SYNE1: variants seen among roughly 807,000 people sequenced by gnomAD.
SYNE1 encodes the protein nesprin-1.
In SYNE1, 616 loss-of-function variants were observed where a neutral mutation model predicts 1,111.0. The ratio of observed to expected loss-of-function variants is 0.55; its 90% CI spans 0.52 to 0.59. SYNE1 has a LOEUF of 0.59. Among genes scored for constraint, SYNE1 ranks in the 20% least tolerant of loss-of-function variants. SYNE1 has a pLI of 0.00. For synonymous variants in SYNE1, 3,855 were observed against 3,825.8 expected (o/e 1.01, Z -0.28); for missense variants, 10,006 against 10,417.0 (o/e 0.96, Z 1.72).
chr6:152,419,783 G>A (rs751260718), intron 39 of SYNE1, 61 bp from the exon 40 acceptor site: 35 of 1,583,488 alleles, frequency 2.2e-5, no homozygotes, highest in Non-Finnish European at 2.9e-5. Flanking sequence ...GATTAATGAT[G>A]TATTTTGGGA....
intron 14 of SYNE1, among the ~76,000 whole-genome samples, chr6:152,478,318 G>T (rs957539555): frequency 2.0e-5 from 3 of 152,222 alleles, no homozygotes; most frequent in African/African-American, 7.2e-5. Flanking sequence ...ACAGTAGCTG[G>T]GAGGGGAAGT....
rs1233877816 is a variant in SYNE1 at position 152,353,243 on chromosome 6, T to C, written c.11253+20A>G. 5 of 1,614,078 alleles carry C rather than the reference T, an allele frequency of 3.1e-6. No individual in the cohort carries two copies. The highest frequency in any genetic ancestry group is 1.7e-5 in the Admixed American group (1 of 60,014). On this transcript the variant is annotated intron_variant, in intron 69 of 145. Transcript: ENST00000367255. ...GGTGAACGGAAAGGTTGGATACAAA[T>C]CTGAAGTATGCGTGCCTACCTCCAA...
chr6:152,504,127 G>C (rs2623961), intron 9 of SYNE1, among the ~76,000 whole-genome samples: 30,111 of 152,074 alleles, frequency 0.2, 3,174 homozygotes, highest in Middle Eastern at 0.32. Flanking sequence ...CCCACTCTAG[G>C]AATAATGTCA....
In SYNE1 at chr6:152,488,502, C is replaced by G; in HGVS notation, c.941G>C (p.Arg314Thr). The G allele has an allele frequency of 6.5e-7, 1 of 1,528,516 alleles. No individual in the cohort carries two copies. Among genetic ancestry groups the G allele is most frequent in the Non-Finnish European group, 9.0e-7 (1 of 1,105,696 alleles). The allele number at this position is 1,528,516 out of a possible 1,614,324, so 94.7% of individuals were successfully genotyped here. A position where few individuals can be genotyped will look rare whatever the true frequency, so the allele number is the denominator to read the frequency against. The change falls in exon 12 of 146, where the codon AGA (arginine) becomes ACA (threonine). Residue 314 changes from arginine to threonine, a missense_variant and splice_region_variant. By Grantham distance (71) the Arg-to-Thr change is moderately conservative. Around this residue, in one of 7 missense-constraint regions of SYNE1, gnomAD observed 1,971 missense variants for 2,084.1 expected, o/e 0.95. Transcript: ENST00000367255. ...TTCCTTAAAAATTACTCTGTCTTCT[C>G]TCTGGAAATGAGGAGACATTACAAT... Reference protein sequence around the residue: ...SFANSVQNFKREDRVIFKEMK... With the variant: ...SFANSVQNFKTEDRVIFKEMK...
intron 98 of SYNE1, among the ~76,000 whole-genome samples, chr6:152,273,137 A>G (rs750941680): frequency 1.4e-4 from 22 of 152,346 alleles, no homozygotes; most frequent in Non-Finnish European, 2.8e-4. Context: ...ATTTTTCTGT[A>G]TTTACACTTC....
chr6:152,606,736 C>T (rs1484735578), intron 3 of SYNE1, among the ~76,000 whole-genome samples: 1 of 152,122 alleles, frequency 6.6e-6, no homozygotes, highest in African/African-American at 2.4e-5. Context: ...CAAGCTCCGC[C>T]TCCCGGGTTC....
intron 107 of SYNE1, 77 bp from the exon 108 acceptor site, chr6:152,239,783 G>A: frequency 6.6e-7 from 1 of 1,519,194 alleles, no homozygotes. Context: ...TTAGGGCCGG[G>A]TGCGGTGGCT....
At chr6:152,512,252 AG>A (rs1296365992) in intron 6 of SYNE1, among the ~76,000 whole-genome samples, 1 of 152,216 alleles carries the variant, frequency 6.6e-6, no homozygotes, top group Non-Finnish European at 1.5e-5. Context: ...TCACTGGTGA[AG>A]TTCATTCATC....
chr6:152,484,859 T>C lies in SYNE1; in HGVS notation c.1161A>G (p.Gln387=), dbSNP rs2098931098. The change falls in exon 13 of 146, where the codon CAA becomes CAG. Residue 387 remains glutamine (Q), a synonymous_variant. Transcript: ENST00000367255. ...CCCTGGAGGTCACTCTATCCCAAGATTGTTTTACCAATGCTTGGTCAAGTG... is the reference window on the plus strand; with the variant it reads ...CCCTGGAGGTCACTCTATCCCAAGACTGTTTTACCAATGCTTGGTCAAGTG... The part of the protein sequence containing the change: ...KLSLDQALVK[Q]SWDRVTSRLF... 1 of 1,613,880 alleles carries C rather than the reference T, an allele frequency of 6.2e-7. No individual in the cohort carries two copies. Among genetic ancestry groups the C allele is most frequent in the Non-Finnish European group, 8.5e-7 (1 of 1,179,968 alleles).
intron 101 of SYNE1, 80 bp downstream of exon 101, chr6:152,261,952 T>C: frequency 8.4e-7 from 1 of 1,190,480 alleles, no homozygotes; most frequent in East Asian, 2.6e-5. Context: ...GAAAATTAAG[T>C]TGATTGCACA....
chr6:152,328,550 T>C (rs2096151022), intron 78 of SYNE1, among the ~76,000 whole-genome samples: 1 of 151,408 alleles, frequency 6.6e-6, no homozygotes, highest in East Asian at 2.0e-4. Context: ...GGATTACAGG[T>C]ATGCACCACC....
rs560858283 is a variant in SYNE1 at position 152,430,004 on chromosome 6, A to AT, written c.4788+107dup. On this transcript the variant is annotated intron_variant, in intron 36 of 145. Coordinates refer to ENST00000367255, the MANE Select transcript of SYNE1 (RefSeq NM_182961.4). ...ATATAATTACTCAACTAATATAAAC[A>AT]TTTTTCCAATTTCAATTCTCTTAAA... 150 of 771,676 alleles carry AT rather than the reference A, an allele frequency of 1.9e-4. No individual in the cohort carries two copies. The African/African-American group carries it at 2.3e-3, about 12-fold the overall frequency. The allele number at this position is 771,676 out of a possible 1,614,324, so 47.8% of individuals were successfully genotyped here. A position where few individuals can be genotyped will look rare whatever the true frequency, so the allele number is the denominator to read the frequency against.
chr6:152,631,419 G>A (rs1333022301), intron 2 of SYNE1, among the ~76,000 whole-genome samples: 5 of 152,162 alleles, frequency 3.3e-5, no homozygotes, highest in African/African-American at 9.7e-5. Flanking sequence ...ATGGCGCAGG[G>A]CCCTGAGTGC....
At chr6:152,601,165 T>C (rs968312756) in intron 3 of SYNE1, among the ~76,000 whole-genome samples, 7 of 152,160 alleles carry the variant, frequency 4.6e-5, no homozygotes, top group African/African-American at 1.7e-4. Context: ...GGAGCAGCCA[T>C]TCAAATCAAA....
In SYNE1 at chr6:152,352,322, C is replaced by T. The variant is rs780889581; in HGVS notation, c.11285G>A (p.Ser3762Asn). 2.5e-6 allele frequency: 4 copies of T among 1,614,052 alleles called. No homozygotes were observed. Among genetic ancestry groups the T allele is most frequent in the Non-Finnish European group, 3.4e-6 (4 of 1,180,040 alleles). Reference protein sequence around the residue: ...VLLKDMEKGHSLLKSAREKGE... With the variant: ...VLLKDMEKGHNLLKSAREKGE... ...TTTCTCCCGGGCTGATTTCAGCAAA[C>T]TGTGACCTTTCTCCATGTCTTTGAG... The change falls in exon 70 of 146, where the codon AGT (serine) becomes AAT (asparagine). Residue 3762 changes from serine to asparagine, a missense_variant. Physicochemically the swap from Ser to Asn is conservative, Grantham distance 46. Transcript: ENST00000367255.
chr6:152,276,188 C>T (rs1428432510), intron 98 of SYNE1, among the ~76,000 whole-genome samples: 2 of 151,886 alleles, frequency 1.3e-5, no homozygotes, highest in East Asian at 3.9e-4. Context: ...GCATGCCCCA[C>T]CACACCCGGC....
chr6:152,268,125 C>T lies in SYNE1; in HGVS notation c.18746G>A (p.Arg6249His), dbSNP rs749260280. 3.7e-6 allele frequency: 6 copies of T among 1,613,964 alleles called. No homozygotes were observed. In the African/African-American group the frequency reaches 4.0e-5, roughly 11 times the overall value. The change falls in exon 100 of 146, where the codon CGC (arginine) becomes CAC (histidine). Residue 6249 changes from arginine (R) to histidine (H), a missense_variant. By Grantham distance (29) the Arg-to-His change is conservative (BLOSUM62 0). Coordinates refer to ENST00000367255, the MANE Select transcript of SYNE1 (RefSeq NM_182961.4). ...QELAEQKSLLRSVASRGEEIL... is the reference protein window; with the variant it reads ...QELAEQKSLLHSVASRGEEIL... ...CTCCTCTCCACGACTGGCTACTGAG[C>T]GAAGGAGACTCTTCTGCTCGGCTAA...
At chr6:152,298,184 TA>T (rs1025057070) in intron 93 of SYNE1, among the ~76,000 whole-genome samples, 4 of 152,252 alleles carry the variant, frequency 2.6e-5, no homozygotes, top group African/African-American at 9.6e-5. Context: ...TGCTGTGAAT[TA>T]AGTAGTATTG....
intron 4 of SYNE1, among the ~76,000 whole-genome samples, chr6:152,534,220 AATAAT>A (rs1208545464): frequency 2.0e-5 from 3 of 152,046 alleles, no homozygotes; most frequent in African/African-American, 7.2e-5. Context: ...AAATAAATAA[AATAAT>A]ATATTTCTAA....
Sources: gnomAD v4.1 joint callset for allele counts (sites outside exome capture counted in the v4.1 genomes callset) on GRCh38, gnomAD v4.1.1 for gene constraint, gnomAD v4.1.1 regional missense constraint, MANE v1.5 for transcripts, NCBI Gene and HGNC (gene_info 2026-07-23, HGNC 2026-07-21) for gene names.